The following TIAM1 variants were observed in gnomAD, a reference collection of about 807,000 sequenced individuals.
The protein encoded by TIAM1 is TIAM Rac1 associated GEF 1, also known as rho guanine nucleotide exchange factor TIAM1.
In TIAM1, 65 loss-of-function variants were observed where a neutral mutation model predicts 163.5. That is an observed-to-expected ratio of 0.40 (90% confidence interval 0.33 to 0.49). TIAM1 has a LOEUF of 0.49. Ranked by LOEUF, TIAM1 falls within the 20% of genes least tolerant of loss-of-function variation. The probability of loss-of-function intolerance (pLI) is 0.77; values close to 1 mark genes in which losing one functional copy is unlikely to be tolerated. For synonymous variants in TIAM1, 833 were observed against 810.1 expected (o/e 1.03, Z -0.48); for missense variants, 1,789 against 2,044.7 (o/e 0.87, Z 2.41).
At chr21:31,502,104 A>G (rs1315545073) in intron 1 of TIAM1, among the ~76,000 whole-genome samples, 2 of 152,176 alleles carry the variant, frequency 1.3e-5, no homozygotes, top group African/African-American at 4.8e-5. Context: ...GTGTCAAGGA[A>G]TTCAACTGGC....
Position 31,153,376 on chromosome 21 carries a change from T to C in TIAM1, c.3172-242A>G, listed in dbSNP as rs1601316818. 2.0e-5 allele frequency among the ~76,000 whole-genome samples: 3 copies of C among 152,120 alleles called. No individual in the cohort carries two copies. The South Asian group carries it at 6.2e-4, about 31-fold the overall frequency. ...CTAAAATACGGTCTCCATTGCAACT[T>C]CTTCAACTGTAGCACCCAAGCAGGC... is the stretch of plus-strand genomic sequence containing the variant. On this transcript the variant is annotated intron_variant, in intron 17 of 27. Transcript: ENST00000541036.
intron 3 of TIAM1, among the ~76,000 whole-genome samples, chr21:31,271,795 G>T (rs2073069209): frequency 6.6e-6 from 1 of 152,168 alleles, no homozygotes; most frequent in Non-Finnish European, 1.5e-5. Flanking sequence ...ATCTGAAAGT[G>T]GTATGGGGTC....
chr21:31,534,441 C>T (rs1199012038), intron 1 of TIAM1, among the ~76,000 whole-genome samples: 4 of 152,056 alleles, frequency 2.6e-5, no homozygotes, highest in South Asian at 2.1e-4. Context: ...TTTGGGAGGC[C>T]GAGGTGGGTG....
chr21:31,377,682 T>C lies in TIAM1; in HGVS notation c.-368-38260A>G, dbSNP rs77250523. On this transcript the variant is annotated intron_variant, in intron 2 of 28. Transcript: ENST00000286827. ...TGCTTTTTAAAGGTTATCTAGCAGGTTTCTGTCTGCCATCCTAGGCTACTA... is the reference window on the plus strand; with the variant it reads ...TGCTTTTTAAAGGTTATCTAGCAGGCTTCTGTCTGCCATCCTAGGCTACTA... Among the ~76,000 whole-genome samples, 128 of 152,196 alleles carry C rather than the reference T, an allele frequency of 8.4e-4. 2 individuals are homozygous for C. In the East Asian group the frequency reaches 0.022, roughly 26 times the overall value.
intron 27 of TIAM1, chr21:31,124,231 G>C: frequency 3.1e-6 from 1 of 320,004 alleles, no homozygotes; most frequent in Non-Finnish European, 5.7e-6. Flanking sequence ...AAGAGGATGT[G>C]TCTGCAACCC....
At chr21:31,472,838 G>A (rs950394851) in intron 1 of TIAM1, among the ~76,000 whole-genome samples, 3 of 152,240 alleles carry the variant, frequency 2.0e-5, no homozygotes, top group Non-Finnish European at 2.9e-5. Context: ...ATTAATATAA[G>A]CAGAATGCTT....
intron 2 of TIAM1, among the ~76,000 whole-genome samples, chr21:31,353,542 C>T (rs1020967690): frequency 6.6e-6 from 1 of 152,174 alleles, no homozygotes; most frequent in African/African-American, 2.4e-5. Flanking sequence ...AGCCACTAGG[C>T]TAGGGGCTGC....
chr21:31,166,404 A>G (rs1268433966), intron 15 of TIAM1, among the ~76,000 whole-genome samples: 5 of 152,192 alleles, frequency 3.3e-5, no homozygotes, highest in Admixed American at 6.5e-5. Flanking sequence ...CCTTGCTCCA[A>G]TGACACCATT....
intron 2 of TIAM1, among the ~76,000 whole-genome samples, chr21:31,375,534 T>C (rs1302783039): frequency 7.5e-6 from 1 of 132,856 alleles, no homozygotes; most frequent in African/African-American, 3.1e-5. Context: ...CATTCATATA[T>C]AGAAAAGGAA....
At chr21:31,556,109 A>G (rs755568971) in intron 1 of TIAM1, among the ~76,000 whole-genome samples, 4 of 152,182 alleles carry the variant, frequency 2.6e-5, no homozygotes, top group Non-Finnish European at 5.9e-5. Flanking sequence ...TAGGCCCCCA[A>G]CTGATTTGAT....
At chr21:31,158,556 A>G (rs1161210114) in intron 16 of TIAM1, among the ~76,000 whole-genome samples, 1 of 152,234 alleles carries the variant, frequency 6.6e-6, no homozygotes, top group Non-Finnish European at 1.5e-5. Context: ...ATGCATCATT[A>G]CAAGTTATAA....
At chr21:31,238,419 A>C (rs2071003908) in intron 6 of TIAM1, among the ~76,000 whole-genome samples, 1 of 152,228 alleles carries the variant, frequency 6.6e-6, no homozygotes, top group African/African-American at 2.4e-5. Flanking sequence ...AAAGGTTTTC[A>C]AAACTAAGAT....
chr21:31,314,478 C>T (rs2075038115), intron 2 of TIAM1, among the ~76,000 whole-genome samples: 1 of 152,138 alleles, frequency 6.6e-6, no homozygotes, highest in Non-Finnish European at 1.5e-5. Context: ...CTTTAAATTG[C>T]TCCCACTGCC....
chr21:31,154,442 G>T lies in TIAM1; in HGVS notation c.2992-16C>A. The T allele has an allele frequency of 6.2e-7, 1 of 1,607,624 alleles. No homozygotes were observed. Among genetic ancestry groups the T allele is most frequent in the East Asian group, 2.2e-5 (1 of 44,746 alleles). On this transcript the variant is annotated splice_polypyrimidine_tract_variant and intron_variant, in intron 16 of 27. Transcript: ENST00000541036. ...GTTCTGTACTCTTCGGAGCACAGGG[G>T]GGAAGGGAAGGCAGAGGTCATTATC...
rs76461866 is a variant in TIAM1, at chr21:31,272,767, A to G, written c.-12+3965T>C. Among the ~76,000 whole-genome samples the G allele has an allele frequency of 7.4e-3, 1,131 of 152,330 alleles. 15 individuals carry two copies. The highest frequency in any genetic ancestry group is 0.025 in the African/African-American group (1,054 of 41,572). On this transcript the variant is annotated intron_variant, in intron 3 of 27. Transcript: ENST00000541036. Reference sequence around the variant, plus strand: ...TTGAATCCCCTTTTATTTTTAGCTGAAAAGCATCTAGAATATTCTAACATA... The same window carrying G: ...TTGAATCCCCTTTTATTTTTAGCTGGAAAGCATCTAGAATATTCTAACATA...
chr21:31,154,247 C>T lies in TIAM1; in HGVS notation c.3171G>A (p.Lys1057=). Residue 1057 remains lysine, a splice_region_variant and synonymous_variant, in exon 17 of 28, where the codon AAG becomes AAA. Transcript: ENST00000541036. ...GCAGGGGGAGAAAAAAGAAACATAC[C>T]TTCACGTAGGTGCGCTCCGTCTCCA... ...ELLETERTYV[K]DLNCLMERYL... The T allele has an allele frequency of 6.2e-7, 1 of 1,613,228 alleles. No individual in the cohort carries two copies. The highest frequency in any genetic ancestry group is 8.5e-7 in the Non-Finnish European group (1 of 1,179,466).
intron 25 of TIAM1, 119 bp downstream of exon 25, chr21:31,130,093 AG>A (rs112890688): frequency 0.11 from 64,595 of 606,500 alleles, 2,280 homozygotes; most frequent in East Asian, 0.2. Context: ...AGTTAAGCAT[AG>A]GGAAAAAAAA....
chr21:31,299,377 T>C (rs927897082), intron 2 of TIAM1, among the ~76,000 whole-genome samples: 2 of 152,248 alleles, frequency 1.3e-5, no homozygotes, highest in Non-Finnish European at 2.9e-5. Context: ...CTGCTGACAC[T>C]GGCCCAGGCT....
chr21:31,159,592 T>G (rs2146345099), intron 16 of TIAM1, among the ~76,000 whole-genome samples: 1 of 152,330 alleles, frequency 6.6e-6, no homozygotes, highest in East Asian at 1.9e-4. Context: ...AGAGACACTA[T>G]GTACAATGGT....
Sources: gnomAD v4.1 joint callset for allele counts (sites outside exome capture counted in the v4.1 genomes callset) on GRCh38, gnomAD v4.1.1 for gene constraint, MANE v1.5 for transcripts, NCBI Gene and HGNC (gene_info 2026-07-23, HGNC 2026-07-21) for gene names.